DERA: variants seen among roughly 807,000 people sequenced by gnomAD.
DERA encodes 2-deoxy-D-ribose 5-phosphate aldolase.
Under a neutral mutation model 41.1 loss-of-function variants are expected in DERA, and 15 were observed. The observed-to-expected ratio is 0.37, with a 90% CI of 0.24 to 0.56. The LOEUF is 0.56. Among genes scored for constraint, DERA ranks in the 20% least tolerant of loss-of-function variants. The pLI is 0.81. For synonymous variants in DERA, 139 were observed against 137.4 expected (o/e 1.01, Z -0.08); for missense variants, 396 against 403.4 (o/e 0.98, Z 0.16).
chr12:16,033,418 GA>G (rs1371682108), intron 7 of DERA, among the ~76,000 whole-genome samples: 1 of 152,088 alleles, frequency 6.6e-6, no homozygotes, highest in Non-Finnish European at 1.5e-5. Context: ...TCAGCTTTTC[GA>G]AAAATGATAC....
At chr12:16,032,958 C>T (rs748636824) in intron 7 of DERA, 8 of 280,296 alleles carry the variant, frequency 2.9e-5, no homozygotes, top group Admixed American at 1.5e-4. Context: ...GGTTCTTTAA[C>T]GAACTAATTC....
rs138053597 is a variant in DERA at position 16,007,255 on chromosome 12, C to T, written c.637+24819C>T. 4.7e-5 allele frequency among the ~76,000 whole-genome samples: 7 copies of T among 148,628 alleles called. No individual in the cohort carries two copies. The East Asian group carries it at 1.4e-3, about 30-fold the overall frequency. On this transcript the variant is annotated intron_variant, in intron 6 of 8. Transcript: ENST00000428559. ...CTGAAGCGCAGTGGCGCGATCTTGGCTCACTGCAACCTCCGCCTCCGGGGT... is the reference window on the plus strand; with the variant it reads ...CTGAAGCGCAGTGGCGCGATCTTGGTTCACTGCAACCTCCGCCTCCGGGGT...
Position 15,989,030 on chromosome 12 carries a change from A to G in DERA, c.637+6594A>G, listed in dbSNP as rs1948784600. Among the ~76,000 whole-genome samples, 1 of 152,224 alleles carries G rather than the reference A, an allele frequency of 6.6e-6. No individual in the cohort carries two copies. The highest frequency in any genetic ancestry group is 1.5e-5 in the Non-Finnish European group (1 of 68,026). On this transcript the variant is annotated intron_variant, in intron 6 of 8. Transcript: ENST00000428559. This position sits in a 1 kb window ranked among gnomAD's most constrained non-coding sequence, Gnocchi z 5.2. ...AAGGCTCCAGGAGTAGGGAGAGGCC[A>G]GGGAGTGGGACCAGGTACTTCTGAG... is the stretch of plus-strand genomic sequence containing the variant.
intron 7 of DERA, among the ~76,000 whole-genome samples, chr12:16,034,077 A>G (rs1949111400): frequency 6.6e-6 from 1 of 152,186 alleles, no homozygotes; most frequent in Non-Finnish European, 1.5e-5. Flanking sequence ...ATCAAAACCA[A>G]ATGTGAAGCT....
intron 7 of DERA, among the ~76,000 whole-genome samples, chr12:16,033,296 G>A (rs1949105173): frequency 6.6e-6 from 1 of 152,216 alleles, no homozygotes; most frequent in Non-Finnish European, 1.5e-5. Flanking sequence ...CAGGGAAAAG[G>A]TAGCTAGACG....
chr12:15,987,230 C>CT (rs995016192), intron 6 of DERA, among the ~76,000 whole-genome samples: 3,217 of 85,364 alleles, frequency 0.038, 209 homozygotes, highest in Non-Finnish European at 0.044. Flanking sequence ...TATATATGTA[C>CT]TTTTTTTTTT....
At chr12:15,948,003 T>A (rs1948464988) in intron 1 of DERA, among the ~76,000 whole-genome samples, 1 of 152,246 alleles carries the variant, frequency 6.6e-6, no homozygotes, top group Non-Finnish European at 1.5e-5. Flanking sequence ...TTGAAAATTC[T>A]TTTCTTTAAG....
intron 1 of DERA, among the ~76,000 whole-genome samples, chr12:15,926,506 G>A (rs1264257806): frequency 6.6e-6 from 1 of 152,112 alleles, no homozygotes; most frequent in Non-Finnish European, 1.5e-5. Context: ...GGAGGCCGAG[G>A]CGGGCGGATC....
In DERA at chr12:15,914,936, C is replaced by T. The variant is rs542864408; in HGVS notation, c.31+3522C>T. Among the ~76,000 whole-genome samples, 19 of 152,194 alleles carry T rather than the reference C, an allele frequency of 1.2e-4. 1 individual carries two copies. The highest frequency in any genetic ancestry group is 2.1e-4 in the South Asian group (1 of 4,818). The stretch of plus-strand genomic sequence containing the variant: ...GATTACAGGTGCCTGCCACCAAGCC[C>T]GGCTAATATTTTTATATTTTTAGTA... On this transcript the variant is annotated intron_variant, in intron 1 of 8. Coordinates refer to ENST00000428559, the MANE Select transcript of DERA (RefSeq NM_015954.4).
intron 6 of DERA, among the ~76,000 whole-genome samples, chr12:16,016,791 C>CAAAAAAAAAAAAAAAAAAAAAAAAAA: frequency 3.4e-5 from 2 of 58,674 alleles, no homozygotes; most frequent in Non-Finnish European, 5.5e-5. Flanking sequence ...GACCCTGTCT[C>CAAAAAAAAAAAAAAAAAAAAAAAAAA]AAAAAAAAAA....
In DERA at chr12:15,972,094, C is replaced by T. The variant is rs901056996; in HGVS notation, c.508+9147C>T. On this transcript the variant is annotated intron_variant, in intron 5 of 8. Coordinates refer to ENST00000428559, the MANE Select transcript of DERA (RefSeq NM_015954.4). The surrounding 1 kb of genome is among the most constrained non-coding windows in gnomAD (Gnocchi z 4.4). ...TCCACATCTGCCACGAATGATTTCT[C>T]CTCTGAAAATAGCCATAGGATCCCA... 1 of 164,202 alleles carries T rather than the reference C, an allele frequency of 6.1e-6. No homozygotes were observed. Among genetic ancestry groups the T allele is most frequent in the Non-Finnish European group, 1.3e-5 (1 of 75,372 alleles). 10.2% of individuals were successfully genotyped at this position (164,202 alleles called of 1,614,324 possible).
intron 6 of DERA, among the ~76,000 whole-genome samples, chr12:16,029,997 ACT>A (rs1429829666): frequency 7.9e-6 from 1 of 125,972 alleles, no homozygotes; most frequent in Non-Finnish European, 1.6e-5. Flanking sequence ...ATCTCGGCTC[ACT>A]GCAACCTCCA....
chr12:16,036,531 C>A lies in DERA; in HGVS notation c.900+150C>A, dbSNP rs2136192153. On this transcript the variant is annotated intron_variant, in intron 8 of 8. Coordinates refer to ENST00000428559, the MANE Select transcript of DERA (RefSeq NM_015954.4). This position sits in a 1 kb window ranked among gnomAD's most constrained non-coding sequence, Gnocchi z 4.9. ...CCTTTTCTTCCAAGCAAACCGCCAT[C>A]AGAAGTGAGTAGGGTGGAGATTCTG... 2 of 1,111,024 alleles carry A rather than the reference C, an allele frequency of 1.8e-6. No individual in the cohort carries two copies. The highest frequency in any genetic ancestry group is 2.9e-4 in the Middle Eastern group (1 of 3,396). The allele number at this position is 1,111,024 out of a possible 1,614,324, so 68.8% of individuals were successfully genotyped here.
Position 16,035,753 on chromosome 12 carries a change from C to G in DERA, c.751-479C>G, listed in dbSNP as rs1261026896. Among the ~76,000 whole-genome samples the G allele has an allele frequency of 6.6e-6, 1 of 152,182 alleles. No homozygotes were observed. The highest frequency in any genetic ancestry group is 1.5e-5 in the Non-Finnish European group (1 of 68,036). The stretch of plus-strand genomic sequence containing the variant: ...TTGCTGCCAGTTTGGTTAGGGTAAC[C>G]TTGCAGCCTTGCTGATTCTGTCCTT... On this transcript the variant is annotated intron_variant, in intron 7 of 8. Coordinates refer to ENST00000428559, the MANE Select transcript of DERA (RefSeq NM_015954.4). This position sits in a 1 kb window ranked among gnomAD's most constrained non-coding sequence, Gnocchi z 4.1.
Position 15,913,492 on chromosome 12 carries a change from G to A in DERA, c.31+2078G>A, listed in dbSNP as rs115410907. On this transcript the variant is annotated intron_variant, in intron 1 of 8. Transcript: ENST00000428559. The surrounding 1 kb of genome is among the most constrained non-coding windows in gnomAD (Gnocchi z 4.5). ...ATTGAAAGTCTTTTTAATAAACATC[G>A]TAACTAATTTCTAAAATAAATTAAC... Among the ~76,000 whole-genome samples, 2,361 of 152,204 alleles carry A rather than the reference G, an allele frequency of 0.016. 24 individuals are homozygous for A. The highest frequency in any genetic ancestry group is 0.034 in the Middle Eastern group (10 of 294).
chr12:15,962,852 C>T lies in DERA; in HGVS notation c.413C>T (p.Thr138Ile). Residue 138 changes from threonine to isoleucine, a missense_variant, in exon 5 of 9, where the codon ACA becomes ATA. By Grantham distance (89) the Thr-to-Ile change is moderately conservative (BLOSUM62 -1). Transcript: ENST00000428559. ...GFPAGQTHLK[T>I]RLEEIRLAVE... is the part of the protein sequence containing the mutation. ...CCAGCTGGACAGACTCATTTGAAGA[C>T]ACGATTAGAAGAGATCAGATTGGCT... is the stretch of plus-strand genomic sequence containing the variant. The T allele has an allele frequency of 6.4e-7, 1 of 1,561,900 alleles. No individual in the cohort carries two copies. Among genetic ancestry groups the T allele is most frequent in the East Asian group, 2.4e-5 (1 of 42,400 alleles).
At chr12:15,925,797 G>A (rs1175455592) in intron 1 of DERA, among the ~76,000 whole-genome samples, 1 of 147,398 alleles carries the variant, frequency 6.8e-6, no homozygotes, top group East Asian at 2.0e-4. Context: ...TTTTCATGCA[G>A]TGAGGCCCTC....
intron 1 of DERA, among the ~76,000 whole-genome samples, chr12:15,950,714 T>C (rs1278071034): frequency 6.6e-6 from 1 of 152,238 alleles, no homozygotes; most frequent in Non-Finnish European, 1.5e-5. Context: ...CAGATTTTCC[T>C]GGCTCATGCC....
At position 16,001,679 on chromosome 12, in the gene DERA, C is replaced by A. The variant is rs186299381; in HGVS notation, c.637+19243C>A. On this transcript the variant is annotated intron_variant, in intron 6 of 8. Coordinates refer to ENST00000428559, the MANE Select transcript of DERA (RefSeq NM_015954.4). The surrounding 1 kb of genome is among the most constrained non-coding windows in gnomAD (Gnocchi z 4.1). ...TAGTAGAGTAGTTGGAATAAAATTA[C>A]AACTGAGGAAGGACAAGAATAAATG... Among the ~76,000 whole-genome samples, 1 of 152,152 alleles carries A rather than the reference C, an allele frequency of 6.6e-6. No individual in the cohort carries two copies. Among genetic ancestry groups the A allele is most frequent in the Non-Finnish European group, 1.5e-5 (1 of 68,028 alleles).
Sources: gnomAD v4.1 joint callset for allele counts (sites outside exome capture counted in the v4.1 genomes callset) on GRCh38, gnomAD v4.1.1 for gene constraint, Gnocchi (gnomAD v3.1) non-coding constraint, MANE v1.5 for transcripts, NCBI Gene and HGNC (gene_info 2026-07-23, HGNC 2026-07-21) for gene names.